FBXL16: variants seen among roughly 807,000 people sequenced by gnomAD.
FBXL16 encodes the protein F-box and leucine rich repeat protein 16, also known as F-box/LRR-repeat protein 16.
In FBXL16, 7 loss-of-function variants were observed where a neutral mutation model predicts 36.7. The ratio of observed to expected loss-of-function variants is 0.19; its 90% CI spans 0.11 to 0.36. FBXL16 has a LOEUF of 0.36. FBXL16 is among the 10% of genes least tolerant of loss of function. FBXL16 has a pLI of 1.00. For missense variants in FBXL16, 463 were observed against 659.4 expected (o/e 0.70, Z 3.26); for synonymous variants, 355 against 308.7 (o/e 1.15, Z -1.57).
chr16:698,183 A>C (rs947385729), intron 1 of FBXL16, among the ~76,000 whole-genome samples: 1 of 151,674 alleles, frequency 6.6e-6, no homozygotes, highest in African/African-American at 2.4e-5. Flanking sequence ...TTGTATTTTT[A>C]GTAGAGATGG....
chr16:695,343 A>AGCCCCGCCCC (rs947863380), intron 3 of FBXL16, 72 bp downstream of exon 3: 40 of 944,950 alleles, frequency 4.2e-5, no homozygotes, highest in African/African-American at 3.3e-4. Context: ...GGCCCCGTGC[A>AGCCCCGCCCC]GCCCCGCCCC....
chr16:695,774 C>A lies in FBXL16; in HGVS notation c.783G>T (p.Ala261=), dbSNP rs768112232. ...DCINVADDAI[A]AISQLLPNLA... ...GGTTGGGCAGCAGCTGCGAGATGGC[C>A]GCGATGGCGTCGTCGGCCACGTTGA... is the stretch of plus-strand genomic sequence containing the variant. Residue 261 remains alanine (A), a synonymous_variant, in exon 3 of 6, where the codon GCG becomes GCT. Coordinates refer to ENST00000397621, the MANE Select transcript of FBXL16 (RefSeq NM_153350.4). The A allele has an allele frequency of 1.9e-6, 3 of 1,605,066 alleles. No homozygotes were observed. Among genetic ancestry groups the A allele is most frequent in the Non-Finnish European group, 2.5e-6 (3 of 1,178,142 alleles).
chr16:694,389 GC>G lies in FBXL16; in HGVS notation c.1325del (p.Gly442AlafsTer13). 6.5e-7 allele frequency: 1 copy of G among 1,543,814 alleles called. No homozygotes were observed. On this transcript the variant is annotated frameshift_variant, in exon 6 of 6. Transcript: ENST00000397621. LOFTEE classifies it high-confidence loss of function. ...CCTCCAGCTCCTGCAGCTGCACCAG[GC>G]CCGACAGCCCGGTGGTGGTGAGCAG... ...CPLLTTTGLS[G>X]LVQLQELEEL...
In FBXL16 at chr16:697,528, C is replaced by T. The variant is rs2040023631; in HGVS notation, c.-14-109G>A. The T allele has an allele frequency of 1.5e-6, 2 of 1,311,652 alleles. No individual in the cohort carries two copies. Among genetic ancestry groups the T allele is most frequent in the East Asian group, 2.6e-5 (1 of 37,794 alleles). The allele number at this position is 1,311,652 out of a possible 1,614,324, so 81.3% of individuals were successfully genotyped here. The stretch of plus-strand genomic sequence containing the variant: ...TCCCTCCTTGGGCGTCCCTATGGTG[C>T]TCCCAGAACCACCAGACAGAGAGGA... On this transcript the variant is annotated intron_variant, in intron 1 of 5. Transcript: ENST00000397621. This position sits in a 1 kb window ranked among gnomAD's most constrained non-coding sequence, Gnocchi z 4.6.
At chr16:694,537 G>A in intron 5 of FBXL16, 97 bp downstream of exon 5, 1 of 1,515,540 alleles carries the variant, frequency 6.6e-7, no homozygotes, top group African/African-American at 1.4e-5. Context: ...TGTCCGCGCC[G>A]GGTGTGAGTT....
chr16:695,076 C>T lies in FBXL16; in HGVS notation c.1143G>A (p.Arg381=). The T allele has an allele frequency of 6.2e-7, 1 of 1,607,008 alleles. No individual in the cohort carries two copies. The highest frequency in any genetic ancestry group is 8.5e-7 in the Non-Finnish European group (1 of 1,176,934). The change falls in exon 4 of 6, where the codon AGG becomes AGA. Residue 381 remains arginine, a splice_region_variant and synonymous_variant. Coordinates refer to ENST00000397621, the MANE Select transcript of FBXL16 (RefSeq NM_153350.4). ...LHRLEELVLD[R]CVRITDTGLS... is the part of the protein sequence containing the mutation. The stretch of plus-strand genomic sequence containing the variant: ...GGCCAGTGTCCGTGATGCGTACACA[C>T]CTGTGGTTGCACCAGAGGGGACCCC...
chr16:705,454 G>T (rs1174119902), intron 1 of FBXL16, 58 bp downstream of exon 1: 1 of 108,360 alleles, frequency 9.2e-6, no homozygotes, highest in Non-Finnish European at 1.8e-5. Flanking sequence ...TGTGGCCGCC[G>T]CGGAGGTGCG....
chr16:697,774 G>A lies in FBXL16; in HGVS notation c.-14-355C>T, dbSNP rs1238902698. Among the ~76,000 whole-genome samples the A allele has an allele frequency of 2.0e-5, 3 of 152,136 alleles. No individual in the cohort carries two copies. The highest frequency in any genetic ancestry group is 2.9e-5 in the Non-Finnish European group (2 of 68,028). ...CCAGCACTTTGGGAGGCCGAGGCGG[G>A]TGGATCATGAGGTCAGGAGATCGAG... On this transcript the variant is annotated intron_variant, in intron 1 of 5. Coordinates refer to ENST00000397621, the MANE Select transcript of FBXL16 (RefSeq NM_153350.4). This position sits in a 1 kb window ranked among gnomAD's most constrained non-coding sequence, Gnocchi z 4.6.
intron 1 of FBXL16, among the ~76,000 whole-genome samples, chr16:703,440 G>A (rs752789875): frequency 2.8e-4 from 43 of 152,210 alleles, no homozygotes; most frequent in Non-Finnish European, 6.0e-4. Flanking sequence ...GGACCATTGA[G>A]CCCTGCCTGC....
Position 697,361 on chromosome 16 carries a change from C to T in FBXL16, c.45G>A (p.Leu15=). ...GIDGDPKPPC[L]PRNGLVKLPG... ...GCAGCTTCACCAGACCGTTTCGAGGCAAGCATGGAGGCTTGGGGTCGCCGT... is the reference window on the plus strand; with the variant it reads ...GCAGCTTCACCAGACCGTTTCGAGGTAAGCATGGAGGCTTGGGGTCGCCGT... Residue 15 remains leucine, a synonymous_variant, in exon 2 of 6, where the codon TTG becomes TTA. Coordinates refer to ENST00000397621, the MANE Select transcript of FBXL16 (RefSeq NM_153350.4). The surrounding 1 kb of genome is among the most constrained non-coding windows in gnomAD (Gnocchi z 4.6). 1 of 1,537,116 alleles carries T rather than the reference C, an allele frequency of 6.5e-7. No homozygotes were observed. Among genetic ancestry groups the T allele is most frequent in the Non-Finnish European group, 8.7e-7 (1 of 1,147,726 alleles).
In FBXL16 at chr16:695,666, G is replaced by C; in HGVS notation, c.891C>G (p.His297Gln). 6.2e-7 allele frequency: 1 copy of C among 1,606,420 alleles called. No individual in the cohort carries two copies. Among genetic ancestry groups the C allele is most frequent in the Non-Finnish European group, 8.5e-7 (1 of 1,179,404 alleles). The change falls in exon 3 of 6, where the codon CAC becomes CAG. Residue 297 changes from histidine to glutamine, a missense_variant. This residue lies in a region of FBXL16 where 66 missense variants were observed against 146.3 expected (regional missense o/e 0.45). Coordinates refer to ENST00000397621, the MANE Select transcript of FBXL16 (RefSeq NM_153350.4). ...CCCAGCAGGAGAGCAGGCGCAGCGT[G>C]TGCGTGCTGTGGCCCTGGCGCGCCG... is the stretch of plus-strand genomic sequence containing the variant. ...YFTARQGHSTHTLRLLSCWEI... is the reference protein window; with the variant it reads ...YFTARQGHSTQTLRLLSCWEI...
chr16:705,118 G>A (rs1177846719), intron 1 of FBXL16, among the ~76,000 whole-genome samples: 1 of 152,058 alleles, frequency 6.6e-6, no homozygotes, highest in Non-Finnish European at 1.5e-5. Context: ...GCACATCCAC[G>A]CGACCCCCAT....
At chr16:700,154 C>T (rs1304015146) in intron 1 of FBXL16, among the ~76,000 whole-genome samples, 1 of 152,226 alleles carries the variant, frequency 6.6e-6, no homozygotes, top group African/African-American at 2.4e-5. Flanking sequence ...CGGTCCACAT[C>T]TGGGGAGGGG....
At chr16:696,101 T>C in intron 2 of FBXL16, 178 bp from the exon 3 acceptor site, 1 of 890,208 alleles carries the variant, frequency 1.1e-6, no homozygotes, top group Non-Finnish European at 1.6e-6. Context: ...CTGGGGGCGT[T>C]GGCACCAGCG....
intron 5 of FBXL16, 30 bp from the exon 6 acceptor site, chr16:694,453 C>A (rs762100454): frequency 6.6e-7 from 1 of 1,525,384 alleles, no homozygotes; most frequent in Admixed American, 2.3e-5. Context: ...CGGCTCAGTG[C>A]GCGCGGCCCA....
intron 3 of FBXL16, 25 bp downstream of exon 3, chr16:695,390 C>G (rs1258689677): frequency 6.7e-7 from 1 of 1,496,474 alleles, no homozygotes; most frequent in Admixed American, 2.1e-5. Context: ...CCCAGCCCCG[C>G]CCGGCGCGGC....
intron 1 of FBXL16, among the ~76,000 whole-genome samples, chr16:702,862 T>C (rs1011110251): frequency 6.6e-6 from 1 of 152,194 alleles, no homozygotes; most frequent in African/African-American, 2.4e-5. Flanking sequence ...GCTGCAGGGC[T>C]GAGGAAGTGG....
intron 1 of FBXL16, among the ~76,000 whole-genome samples, chr16:704,787 G>A (rs1334432555): frequency 1.3e-5 from 2 of 152,258 alleles, no homozygotes; most frequent in African/African-American, 4.8e-5. Context: ...TGCCCGAACA[G>A]AGCCTGGAGC....
chr16:698,913 C>CAAAAAAAAAAAAAAAAAAA (rs767619638), intron 1 of FBXL16, among the ~76,000 whole-genome samples: 3 of 89,726 alleles, frequency 3.3e-5, no homozygotes, highest in Non-Finnish European at 4.9e-5. Flanking sequence ...GACTTTGTCT[C>CAAAAAAAAAAAAAAAAAAA]AAAAAAAAAA....
Sources: allele counts gnomAD v4.1 joint callset (sites outside exome capture counted in the v4.1 genomes callset), GRCh38; gene constraint gnomAD v4.1.1; regional missense constraint gnomAD v4.1.1; non-coding constraint Gnocchi (gnomAD v3.1); transcripts MANE v1.5; gene names NCBI Gene and HGNC (gene_info 2026-07-23, HGNC 2026-07-21).